DLG2: variants seen among roughly 807,000 people sequenced by gnomAD.
DLG2 encodes the protein disks large homolog 2.
In DLG2, 45 loss-of-function variants were observed where a neutral mutation model predicts 132.5. That is an observed-to-expected ratio of 0.34 (90% CI 0.27 to 0.44). DLG2 has a LOEUF of 0.44. Among genes scored for constraint, DLG2 ranks in the 20% least tolerant of loss-of-function variants. DLG2 has a pLI of 1.00. For missense variants in DLG2, 1,045 were observed against 1,196.9 expected, an observed-to-expected ratio of 0.87 and a Z score of 1.87; for synonymous variants, 424 against 419.6, an observed-to-expected ratio of 1.01 and a Z score of -0.13.
At chr11:85,171,026 T>A (rs140097361) in intron 4 of DLG2, among the ~76,000 whole-genome samples, 1 of 151,872 alleles carries the variant, frequency 6.6e-6, no homozygotes, top group African/African-American at 2.4e-5. Flanking sequence ...ATCAGAAAAC[T>A]ACCAACCGGA....
intron 20 of DLG2, 101 bp from the exon 21 acceptor site, chr11:83,532,884 C>T: frequency 3.2e-6 from 3 of 935,104 alleles, no homozygotes; most frequent in Non-Finnish European, 5.0e-6. Flanking sequence ...CCTTGAAGCT[C>T]AAATAAAATG....
rs544465873 is a variant in DLG2 at position 84,259,419 on chromosome 11, C to T, written c.520-8128G>A. Among the ~76,000 whole-genome samples, 125 of 152,270 alleles carry T rather than the reference C, an allele frequency of 8.2e-4. 1 individual carries two copies. The highest frequency in any genetic ancestry group is 3.4e-3 in the Middle Eastern group (1 of 294). Reference sequence around the variant, plus strand: ...AATCCAGCCCAGCTCTAAGTCATCACTACTAATATCATCCAGTGGCTTTGG... The same window carrying T: ...AATCCAGCCCAGCTCTAAGTCATCATTACTAATATCATCCAGTGGCTTTGG... On this transcript the variant is annotated intron_variant, in intron 7 of 27. Transcript: ENST00000376104.
chr11:85,158,751 G>A (rs2077791791), intron 4 of DLG2, among the ~76,000 whole-genome samples: 1 of 152,142 alleles, frequency 6.6e-6, no homozygotes. Flanking sequence ...AGGCAAAATG[G>A]CAATCAGAAT....
intron 6 of DLG2, among the ~76,000 whole-genome samples, chr11:84,973,808 C>T (rs1156836261): frequency 3.3e-5 from 5 of 152,020 alleles, no homozygotes; most frequent in African/African-American, 9.7e-5. Flanking sequence ...TAAATGGATT[C>T]TTAGGGTTGT....
At chr11:84,033,174 A>G (rs1421172583) in intron 11 of DLG2, among the ~76,000 whole-genome samples, 1 of 152,218 alleles carries the variant, frequency 6.6e-6, no homozygotes, top group African/African-American at 2.4e-5. Flanking sequence ...TCAGAAAGCT[A>G]TAGCTGCCAT....
chr11:84,578,104 A>T (rs969394872), intron 6 of DLG2, among the ~76,000 whole-genome samples: 7 of 152,178 alleles, frequency 4.6e-5, no homozygotes, highest in Non-Finnish European at 1.0e-4. Flanking sequence ...CAGAACCTCA[A>T]CCTAGATTTC....
intron 19 of DLG2, among the ~76,000 whole-genome samples, chr11:83,596,003 G>A (rs904354461): frequency 6.6e-6 from 1 of 152,088 alleles, no homozygotes; most frequent in Non-Finnish European, 1.5e-5. Flanking sequence ...TTATTCCTTT[G>A]TTTTGCATAT....
intron 21 of DLG2, among the ~76,000 whole-genome samples, chr11:83,514,837 G>A (rs1240697599): frequency 6.6e-6 from 1 of 152,162 alleles, no homozygotes; most frequent in Non-Finnish European, 1.5e-5. Context: ...TACGTTTATT[G>A]ATTTGCGTAT....
At chr11:85,549,531 A>C (rs2076540572) in intron 3 of DLG2, among the ~76,000 whole-genome samples, 2 of 152,200 alleles carry the variant, frequency 1.3e-5, no homozygotes, top group Non-Finnish European at 2.9e-5. Flanking sequence ...TTTCCATTCA[A>C]AAATATAAAA....
chr11:83,708,277 T>C (rs1006535144), intron 18 of DLG2, among the ~76,000 whole-genome samples: 4 of 152,230 alleles, frequency 2.6e-5, no homozygotes, highest in Non-Finnish European at 5.9e-5. Flanking sequence ...ATAGTACCTG[T>C]ACACAGTGAT....
chr11:84,683,263 T>C (rs1049501658), intron 6 of DLG2, among the ~76,000 whole-genome samples: 1 of 152,124 alleles, frequency 6.6e-6, no homozygotes, highest in Non-Finnish European at 1.5e-5. Context: ...TCAAATGAAT[T>C]TTAGGTTCTC....
intron 19 of DLG2, among the ~76,000 whole-genome samples, chr11:83,601,026 T>C (rs1223588881): frequency 2.0e-5 from 3 of 152,256 alleles, no homozygotes; most frequent in Non-Finnish European, 4.4e-5. Flanking sequence ...CAGGCTGTGC[T>C]ATTACTTAGT....
intron 6 of DLG2, among the ~76,000 whole-genome samples, chr11:85,008,961 G>C (rs1323652235): frequency 6.6e-6 from 1 of 152,058 alleles, no homozygotes; most frequent in Non-Finnish European, 1.5e-5. Context: ...TGAATCACAA[G>C]GATGAGGTTA....
intron 6 of DLG2, among the ~76,000 whole-genome samples, chr11:84,599,592 G>A (rs774729738): frequency 6.6e-6 from 1 of 152,188 alleles, no homozygotes; most frequent in Non-Finnish European, 1.5e-5. Flanking sequence ...GAAATAGGAT[G>A]CCTATTTTAC....
At chr11:83,563,970 A>T (rs908694532) in intron 19 of DLG2, among the ~76,000 whole-genome samples, 2 of 152,180 alleles carry the variant, frequency 1.3e-5, no homozygotes, top group African/African-American at 4.8e-5. Context: ...CAGTGATATT[A>T]TCCATTGTTT....
chr11:84,035,366 T>C (rs954182330), intron 11 of DLG2, among the ~76,000 whole-genome samples: 3 of 152,174 alleles, frequency 2.0e-5, no homozygotes, highest in African/African-American at 7.2e-5. Context: ...TGTACACAAA[T>C]ACATATATTT....
chr11:83,496,857 T>C (rs1213566054), intron 21 of DLG2, among the ~76,000 whole-genome samples: 3 of 152,230 alleles, frequency 2.0e-5, no homozygotes, highest in African/African-American at 7.2e-5. Flanking sequence ...GCTAGTCTCC[T>C]AAATATGTAT....
chr11:83,942,890 C>T (rs1216752784), intron 14 of DLG2, among the ~76,000 whole-genome samples: 2 of 152,078 alleles, frequency 1.3e-5, no homozygotes, highest in African/African-American at 2.4e-5. Context: ...TGGCTGTGTC[C>T]CCAACAAAAT....
At chr11:85,252,607 A>C (rs925043308) in intron 4 of DLG2, among the ~76,000 whole-genome samples, 22 of 152,180 alleles carry the variant, frequency 1.4e-4, no homozygotes, top group Non-Finnish European at 1.0e-4. Flanking sequence ...AAATAAAAAA[A>C]GTTAGGAATG....
Sources: gnomAD v4.1 joint callset for allele counts (sites outside exome capture counted in the v4.1 genomes callset) on GRCh38, gnomAD v4.1.1 for gene constraint, MANE v1.5 for transcripts, NCBI Gene and HGNC (gene_info 2026-07-23, HGNC 2026-07-21) for gene names.